FSD1L: variants seen among roughly 807,000 people sequenced by gnomAD.
FSD1L encodes FSD1-like protein.
Under a neutral mutation model 71.6 loss-of-function variants are expected in FSD1L, and 45 were observed. That is an observed-to-expected ratio of 0.63 (90% CI 0.49 to 0.81). The LOEUF is 0.81. FSD1L is among the 30% of genes least tolerant of loss of function. The pLI, the probability that FSD1L is intolerant of heterozygous loss-of-function variation, is 0.00. For synonymous variants in FSD1L, 197 were observed against 207.2 expected, an observed-to-expected ratio of 0.95 and a Z score of 0.42; for missense variants, 561 against 618.1, an observed-to-expected ratio of 0.91 and a Z score of 0.98.
At chr9:105,447,753 C>A (rs915669020), upstream of FSD1L, 11 of 224,008 alleles carry the variant, frequency 4.9e-5, no homozygotes, top group Middle Eastern at 1.6e-3. Context: ...CAGATGCGTG[C>A]TGGGTGGAGG....
At chr9:105,530,659 G>GT (rs1228860622) in intron 10 of FSD1L, 1 of 646,980 alleles carries the variant, frequency 1.5e-6, no homozygotes, top group African/African-American at 1.8e-5. Context: ...CAGAATGCAT[G>GT]TTTCCTCTCA....
chr9:105,506,635 C>G (rs1319337773), intron 8 of FSD1L, 27 bp downstream of exon 8: 1 of 1,379,068 alleles, frequency 7.3e-7, no homozygotes, highest in Non-Finnish European at 1.0e-6. Flanking sequence ...TTAGGACTCT[C>G]ATTCTCAGAA....
intron 10 of FSD1L, chr9:105,525,854 C>T: frequency 6.3e-7 from 1 of 1,589,074 alleles, no homozygotes; most frequent in Non-Finnish European, 8.6e-7. Flanking sequence ...TTGACCACTC[C>T]ATATTTTGCT....
intron 1 of FSD1L, among the ~76,000 whole-genome samples, chr9:105,459,605 G>A (rs1319142833): frequency 6.6e-6 from 1 of 152,214 alleles, no homozygotes; most frequent in Non-Finnish European, 1.5e-5. Context: ...CCTCCTTTAA[G>A]CTTAGAAAAG....
chr9:105,503,137 C>T (rs1161738989), intron 7 of FSD1L, among the ~76,000 whole-genome samples: 1 of 152,064 alleles, frequency 6.6e-6, no homozygotes, highest in Non-Finnish European at 1.5e-5. Flanking sequence ...ATCCTCCTGC[C>T]TCAGCTTCTT....
At chr9:105,491,113 T>G (rs369269587) in intron 7 of FSD1L, among the ~76,000 whole-genome samples, 1 of 152,242 alleles carries the variant, frequency 6.6e-6, no homozygotes, top group African/African-American at 2.4e-5. Context: ...GCCATTTTCA[T>G]GATATTGATT....
At chr9:105,445,726 G>GCAGT (rs1829627422), upstream of FSD1L, among the ~76,000 whole-genome samples, 1 of 152,188 alleles carries the variant, frequency 6.6e-6, no homozygotes, top group Non-Finnish European at 1.5e-5. Flanking sequence ...TGACTCAACT[G>GCAGT]CAGTACACAG....
intron 10 of FSD1L, among the ~76,000 whole-genome samples, chr9:105,514,842 T>G (rs1387509135): frequency 6.6e-6 from 1 of 152,118 alleles, no homozygotes; most frequent in Non-Finnish European, 1.5e-5. Context: ...CCTGCCAGTT[T>G]ATGGGCCTGA....
chr9:105,527,989 T>C (rs1171828218), intron 10 of FSD1L, among the ~76,000 whole-genome samples: 1 of 152,184 alleles, frequency 6.6e-6, no homozygotes, highest in African/African-American at 2.4e-5. Flanking sequence ...CAAACATTCC[T>C]ATACCCCAAT....
intron 12 of FSD1L, among the ~76,000 whole-genome samples, chr9:105,537,941 A>G (rs2131506001): frequency 6.6e-6 from 1 of 152,336 alleles, no homozygotes; most frequent in Middle Eastern, 3.4e-3. Flanking sequence ...CATAGGACTT[A>G]GTAACTAAAT....
intron 7 of FSD1L, among the ~76,000 whole-genome samples, chr9:105,495,281 C>A (rs781532779): frequency 1.3e-5 from 2 of 152,198 alleles, no homozygotes; most frequent in African/African-American, 4.8e-5. Flanking sequence ...AGCGAGACTC[C>A]GTGGGTGTAG....
chr9:105,536,207 A>C (rs1354990493), intron 12 of FSD1L, among the ~76,000 whole-genome samples: 1 of 152,220 alleles, frequency 6.6e-6, no homozygotes, highest in African/African-American at 2.4e-5. Flanking sequence ...CTTGGTTAGA[A>C]GATTTTTCTT....
At chr9:105,543,486 A>G (rs923768114) in intron 13 of FSD1L, among the ~76,000 whole-genome samples, 9 of 151,958 alleles carry the variant, frequency 5.9e-5, no homozygotes, top group African/African-American at 2.2e-4. Context: ...CACAACGTGC[A>G]GGTTTGTTAT....
At chr9:105,526,273 T>C in intron 10 of FSD1L, 1 of 1,605,072 alleles carries the variant, frequency 6.2e-7, no homozygotes, top group Non-Finnish European at 8.5e-7. Flanking sequence ...CCAGCACCAC[T>C]TAGAACCAAC....
intron 7 of FSD1L, among the ~76,000 whole-genome samples, chr9:105,505,323 C>T (rs1377843390): frequency 2.6e-5 from 4 of 152,276 alleles, no homozygotes; most frequent in East Asian, 1.9e-4. Context: ...TGTAGTGGCA[C>T]GATCTCGGCT....
chr9:105,506,871 A>C, intron 8 of FSD1L, among the ~76,000 whole-genome samples: 1 of 151,864 alleles, frequency 6.6e-6, no homozygotes, highest in East Asian at 1.9e-4. Context: ...TCCTGGGTTC[A>C]AGTAATTCTC....
At chr9:105,515,233 T>C (rs1332625763) in intron 10 of FSD1L, among the ~76,000 whole-genome samples, 3 of 152,122 alleles carry the variant, frequency 2.0e-5, no homozygotes, top group African/African-American at 7.2e-5. Flanking sequence ...ACAGGGCACA[T>C]GCGCGTCACT....
chr9:105,442,697 A>T, the FSD1L span, among the ~76,000 whole-genome samples: 2 of 151,994 alleles, frequency 1.3e-5, no homozygotes, highest in African/African-American at 4.8e-5. Flanking sequence ...CAAAGAAAAA[A>T]AAAAAAAGTT....
In FSD1L at chr9:105,521,903, T is replaced by G. The variant is rs561625133; in HGVS notation, c.1025+8967T>G. On this transcript the variant is annotated intron_variant, in intron 10 of 13. Coordinates refer to ENST00000481272, the MANE Select transcript of FSD1L (RefSeq NM_001145313.3). ...AACCTGCAAATGAAATAAAAAATCT[T>G]CTGGATGAACACACAGATATGTGTA... The G allele has an allele frequency of 1.1e-4, 175 of 1,612,400 alleles. 3 individuals carry two copies. In the South Asian group the frequency reaches 1.8e-3, roughly 17 times the overall value.
Sources: allele counts gnomAD v4.1 joint callset (sites outside exome capture counted in the v4.1 genomes callset), GRCh38; gene constraint gnomAD v4.1.1; transcripts MANE v1.5; gene names NCBI Gene and HGNC (gene_info 2026-07-23, HGNC 2026-07-21).